Variants in MAD1L1 observed in about 807,000 individuals in gnomAD.
MAD1L1 encodes mitotic spindle assembly checkpoint protein MAD1.
Under a neutral mutation model 96.9 loss-of-function variants are expected in MAD1L1, and 95 were observed. The observed-to-expected ratio is 0.98, with a 90% confidence interval of 0.83 to 1.16. MAD1L1 has a LOEUF of 1.16. MAD1L1 is among the 50% of genes most tolerant of loss of function. The pLI, the probability that MAD1L1 is intolerant of heterozygous loss-of-function variation, is 0.00. For synonymous variants in MAD1L1, 473 were observed against 396.6 expected (o/e 1.19, Z -2.29); for missense variants, 1,007 against 954.4 (o/e 1.06, Z -0.73).
chr7:2,216,416 C>G, intron 7 of MAD1L1, 129 bp from the exon 8 acceptor site: 1 of 900,666 alleles, frequency 1.1e-6, no homozygotes, highest in African/African-American at 1.7e-5. Flanking sequence ...GATCCAACCA[C>G]AGGACGTTCT....
chr7:2,123,004 C>T (rs948470505), intron 11 of MAD1L1, among the ~76,000 whole-genome samples: 1 of 152,114 alleles, frequency 6.6e-6, no homozygotes, highest in African/African-American at 2.4e-5. Context: ...CTGAGTCTGG[C>T]TTAAAAAGCA....
At chr7:2,027,130 TAA>T (rs950645895) in intron 12 of MAD1L1, among the ~76,000 whole-genome samples, 1 of 151,972 alleles carries the variant, frequency 6.6e-6, no homozygotes, top group African/African-American at 2.4e-5. Context: ...TTTTAAAAGT[TAA>T]AAACTAACTT....
rs189709046 is a variant in MAD1L1 at position 1,858,595 on chromosome 7, C to T, written c.1998+39605G>A. On this transcript the variant is annotated intron_variant, in intron 18 of 18. Transcript: ENST00000265854. ...CCCTGTCCCGGCACCAGGACGCCCG[C>T]GGTGCCTCCTCCTACCTGGCGGGGC... 4.6e-5 allele frequency among the ~76,000 whole-genome samples: 7 copies of T among 152,330 alleles called. No homozygotes were observed. In the South Asian group the frequency reaches 6.2e-4, roughly 14 times the overall value.
At chr7:2,174,128 T>A (rs1179847306) in intron 10 of MAD1L1, among the ~76,000 whole-genome samples, 1 of 152,198 alleles carries the variant, frequency 6.6e-6, no homozygotes, top group Non-Finnish European at 1.5e-5. Context: ...CCAGGATGAC[T>A]GACTTTTTTA....
At chr7:1,853,012 G>A (rs1468706047) in intron 18 of MAD1L1, among the ~76,000 whole-genome samples, 2 of 152,226 alleles carry the variant, frequency 1.3e-5, no homozygotes, top group African/African-American at 2.4e-5. Context: ...CGAGGCACCC[G>A]CAGGACTCAA....
intron 18 of MAD1L1, among the ~76,000 whole-genome samples, chr7:1,831,326 G>A (rs1351284683): frequency 6.6e-6 from 1 of 152,106 alleles, no homozygotes; most frequent in East Asian, 1.9e-4. Flanking sequence ...CACAAACAGT[G>A]CCCATAAGAG....
chr7:1,977,195 G>C (rs1780683852), intron 15 of MAD1L1, among the ~76,000 whole-genome samples: 1 of 152,260 alleles, frequency 6.6e-6, no homozygotes, highest in African/African-American at 2.4e-5. Context: ...GGCTGCGTGG[G>C]AGCCCACGGC....
chr7:2,189,002 A>G (rs1791590051), intron 10 of MAD1L1, among the ~76,000 whole-genome samples: 1 of 152,210 alleles, frequency 6.6e-6, no homozygotes, highest in Non-Finnish European at 1.5e-5. Flanking sequence ...ACGCGATTCA[A>G]GAACAGGCGA....
chr7:2,107,732 C>T (rs1293760133), intron 11 of MAD1L1: 1 of 152,308 alleles, frequency 6.6e-6, no homozygotes, highest in Non-Finnish European at 1.5e-5. Context: ...AAAGCATTTC[C>T]TTCACAGTGC....
chr7:1,897,490 T>C (rs377142160), intron 18 of MAD1L1, among the ~76,000 whole-genome samples: 29 of 152,188 alleles, frequency 1.9e-4, no homozygotes, highest in African/African-American at 6.7e-4. Flanking sequence ...AAACCGGAGG[T>C]TAGCTCACCG....
chr7:2,170,766 AG>A (rs1309543015), intron 10 of MAD1L1, among the ~76,000 whole-genome samples: 3 of 152,182 alleles, frequency 2.0e-5, no homozygotes, highest in Non-Finnish European at 4.4e-5. Context: ...GATCCCAGGA[AG>A]GCAAGGAGAG....
At chr7:1,892,358 C>T (rs550605123) in intron 18 of MAD1L1, among the ~76,000 whole-genome samples, 18 of 152,286 alleles carry the variant, frequency 1.2e-4, no homozygotes, top group African/African-American at 4.1e-4. Flanking sequence ...TCTGGCAAAG[C>T]GAGACCGTAC....
At chr7:2,075,116 A>T (rs987642488) in intron 11 of MAD1L1, among the ~76,000 whole-genome samples, 4 of 152,026 alleles carry the variant, frequency 2.6e-5, no homozygotes, top group Non-Finnish European at 4.4e-5. Flanking sequence ...TCTCGAGAGG[A>T]GGGGAAGGTC....
At chr7:1,980,562 G>A (rs750862414) in intron 14 of MAD1L1, 21 bp from the exon 15 acceptor site, 10 of 1,598,882 alleles carry the variant, frequency 6.3e-6, no homozygotes, top group Non-Finnish European at 8.5e-6. Flanking sequence ...GCAAAGGATA[G>A]AGGGTCAGCA....
At position 2,210,621 on chromosome 7, in the gene MAD1L1, G is replaced by A. The variant is rs370109324; in HGVS notation, c.986+2591C>T. On this transcript the variant is annotated intron_variant, in intron 10 of 18. Coordinates refer to ENST00000265854, the MANE Select transcript of MAD1L1 (RefSeq NM_001013836.2). ...GAGCACCACCCCACTGACGTCCAGC[G>A]TGAGTCACCCGAGATCACGGCCTGA... is the stretch of plus-strand genomic sequence containing the variant. Among the ~76,000 whole-genome samples the A allele has an allele frequency of 3.0e-4, 45 of 152,126 alleles. 1 individual carries two copies. Among genetic ancestry groups the A allele is most frequent in the Middle Eastern group, 3.4e-3 (1 of 294 alleles).
intron 17 of MAD1L1, among the ~76,000 whole-genome samples, chr7:1,934,304 T>C (rs1789652613): frequency 6.6e-6 from 1 of 152,114 alleles, no homozygotes; most frequent in Non-Finnish European, 1.5e-5. Context: ...CCCGGGCACC[T>C]GTCACAGCCA....
At chr7:1,916,035 G>C (rs1032771579) in intron 17 of MAD1L1, among the ~76,000 whole-genome samples, 7 of 152,216 alleles carry the variant, frequency 4.6e-5, no homozygotes, top group African/African-American at 9.6e-5. Flanking sequence ...ACCTAGGAGA[G>C]GCTAACAAGC....
At chr7:2,132,397 G>A (rs545393837) in intron 11 of MAD1L1, among the ~76,000 whole-genome samples, 3 of 107,132 alleles carry the variant, frequency 2.8e-5, no homozygotes, top group Non-Finnish European at 4.3e-5. Context: ...CCACCATCAC[G>A]GCCGCGTGCA....
At chr7:2,214,415 A>C (rs1171472741) in intron 9 of MAD1L1, among the ~76,000 whole-genome samples, 1 of 152,202 alleles carries the variant, frequency 6.6e-6, no homozygotes, top group Non-Finnish European at 1.5e-5. Flanking sequence ...CGTGGGTCAC[A>C]GGGCCAAGGC....
Sources: allele counts gnomAD v4.1 joint callset (sites outside exome capture counted in the v4.1 genomes callset), GRCh38; gene constraint gnomAD v4.1.1; transcripts MANE v1.5; gene names NCBI Gene and HGNC (gene_info 2026-07-23, HGNC 2026-07-21).